Variants in PARD3B observed in about 807,000 individuals in gnomAD.
PARD3B encodes par-3 family cell polarity regulator beta, also known as partitioning defective 3 homolog B.
A neutral mutation model predicts 130.2 loss-of-function variants in PARD3B; 103 were observed. The observed-to-expected ratio is 0.79, with a 90% CI of 0.67 to 0.93. PARD3B has a LOEUF of 0.93. PARD3B is among the 40% of genes least tolerant of loss of function. The pLI, the probability that PARD3B is intolerant of heterozygous loss-of-function variation, is 0.00. For synonymous variants in PARD3B, 583 were observed against 553.2 expected (o/e 1.05, Z -0.76); for missense variants, 1,609 against 1,499.2 (o/e 1.07, Z -1.21).
intron 19 of PARD3B, among the ~76,000 whole-genome samples, chr2:205,432,214 C>T (rs2047361906): frequency 6.6e-6 from 1 of 152,116 alleles, no homozygotes; most frequent in South Asian, 2.1e-4. Context: ...GGACAACCAC[C>T]ACCTTCCCTC....
At chr2:205,316,503 T>C (rs1056470201) in intron 18 of PARD3B, among the ~76,000 whole-genome samples, 22 of 152,322 alleles carry the variant, frequency 1.4e-4, no homozygotes, top group African/African-American at 4.8e-4. Context: ...AGCTCATTAT[T>C]TGAATATCTA....
At chr2:205,468,902 C>CGAGGAGA in intron 20 of PARD3B, among the ~76,000 whole-genome samples, 1 of 152,070 alleles carries the variant, frequency 6.6e-6, no homozygotes, top group Non-Finnish European at 1.5e-5. Flanking sequence ...TCTGAGGAGA[C>CGAGGAGA]CAACCTTAGC....
chr2:205,383,891 G>T (rs999718641), intron 18 of PARD3B, among the ~76,000 whole-genome samples: 2 of 151,960 alleles, frequency 1.3e-5, no homozygotes, highest in Admixed American at 6.6e-5. Flanking sequence ...CTGTTGCATG[G>T]GTGTTTACTT....
intron 16 of PARD3B, among the ~76,000 whole-genome samples, chr2:205,285,244 G>A (rs2041348391): frequency 6.6e-6 from 1 of 152,132 alleles, no homozygotes; most frequent in Non-Finnish European, 1.5e-5. Flanking sequence ...ATTTGGCACA[G>A]AGACTGTACC....
intron 6 of PARD3B, among the ~76,000 whole-genome samples, chr2:205,117,918 C>CACACACACACAT (rs2030060563): frequency 6.6e-6 from 1 of 150,898 alleles, no homozygotes; most frequent in South Asian, 2.1e-4. Flanking sequence ...TATGTGTGTA[C>CACACACACACAT]ACACACACAC....
intron 22 of PARD3B, among the ~76,000 whole-genome samples, chr2:205,596,082 G>T (rs1049561350): frequency 6.6e-6 from 1 of 152,158 alleles, no homozygotes; most frequent in Non-Finnish European, 1.5e-5. Context: ...CTGGATTACA[G>T]CAAAAGGAGA....
At chr2:204,732,098 T>G (rs934359458) in intron 2 of PARD3B, among the ~76,000 whole-genome samples, 3 of 139,250 alleles carry the variant, frequency 2.2e-5, no homozygotes, top group Non-Finnish European at 3.2e-5. Context: ...TTTTTTTTTG[T>G]ATAAAAAAGT....
chr2:204,594,797 T>C (rs1305121826), intron 1 of PARD3B, among the ~76,000 whole-genome samples: 1 of 152,184 alleles, frequency 6.6e-6, no homozygotes, highest in African/African-American at 2.4e-5. Flanking sequence ...AAATAACGTA[T>C]AACAAAGAAA....
At chr2:205,216,205 G>T (rs893062484) in intron 15 of PARD3B, among the ~76,000 whole-genome samples, 1 of 152,106 alleles carries the variant, frequency 6.6e-6, no homozygotes, top group African/African-American at 2.4e-5. Flanking sequence ...CGTGCTCTAT[G>T]GGTTAACAGC....
intron 3 of PARD3B, among the ~76,000 whole-genome samples, chr2:204,982,547 C>A (rs1241368704): frequency 3.9e-5 from 6 of 152,214 alleles, no homozygotes; most frequent in South Asian, 4.1e-4. Context: ...ATCCACATAA[C>A]AATATGTTGT....
intron 2 of PARD3B, among the ~76,000 whole-genome samples, chr2:204,876,622 G>T (rs1346445648): frequency 2.0e-5 from 3 of 152,082 alleles, no homozygotes; most frequent in Admixed American, 2.0e-4. Context: ...CCTCTACTCA[G>T]GGAGTTGCTC....
chr2:205,335,723 G>T (rs2043290764), intron 18 of PARD3B, among the ~76,000 whole-genome samples: 1 of 152,134 alleles, frequency 6.6e-6, no homozygotes, highest in East Asian at 1.9e-4. Flanking sequence ...GCAAGGAGGA[G>T]CAAGTCACAT....
chr2:204,847,192 ATTGT>A (rs1042187070), intron 2 of PARD3B, among the ~76,000 whole-genome samples: 1 of 132,418 alleles, frequency 7.6e-6, no homozygotes, highest in Non-Finnish European at 1.6e-5. Context: ...TTTGCTAAGC[ATTGT>A]TTATGTTTTA....
intron 1 of PARD3B, among the ~76,000 whole-genome samples, chr2:204,562,061 C>G (rs775656737): frequency 1.3e-5 from 2 of 152,146 alleles, no homozygotes; most frequent in South Asian, 4.1e-4. Context: ...TACATACACA[C>G]ACACATACAA....
intron 21 of PARD3B, among the ~76,000 whole-genome samples, chr2:205,508,113 C>T (rs375969192): frequency 1.3e-5 from 2 of 152,290 alleles, no homozygotes; most frequent in East Asian, 1.9e-4. Context: ...GAACAATTCA[C>T]CCCAGGAGAA....
intron 2 of PARD3B, among the ~76,000 whole-genome samples, chr2:204,779,872 A>G (rs1351892712): frequency 6.6e-6 from 1 of 152,226 alleles, no homozygotes; most frequent in Non-Finnish European, 1.5e-5. Context: ...CATGCAGATG[A>G]CTAATCCAGC....
chr2:205,323,153 C>T (rs2042813418), intron 18 of PARD3B, among the ~76,000 whole-genome samples: 1 of 151,766 alleles, frequency 6.6e-6, no homozygotes, highest in Admixed American at 6.6e-5. Context: ...TCATGATCTG[C>T]CCGCCTCAGC....
chr2:205,412,564 T>A (rs1217343522), intron 19 of PARD3B, among the ~76,000 whole-genome samples: 1 of 152,234 alleles, frequency 6.6e-6, no homozygotes, highest in Admixed American at 6.5e-5. Flanking sequence ...AAACTTTCAG[T>A]GGCTCTCTAT....
intron 1 of PARD3B, among the ~76,000 whole-genome samples, chr2:204,572,614 C>A (rs998101280): frequency 6.6e-6 from 1 of 152,134 alleles, no homozygotes; most frequent in African/African-American, 2.4e-5. Flanking sequence ...AGAAATATTT[C>A]TATAAATACA....
Sources: gnomAD v4.1 joint callset for allele counts (sites outside exome capture counted in the v4.1 genomes callset) on GRCh38, gnomAD v4.1.1 for gene constraint, MANE v1.5 for transcripts, NCBI Gene and HGNC (gene_info 2026-07-23, HGNC 2026-07-21) for gene names.